The following TNFAIP6 variants were observed in gnomAD, a reference collection of about 807,000 sequenced individuals.
The protein encoded by TNFAIP6 is tumor necrosis factor-inducible gene 6 protein.
Under a neutral mutation model 33.7 loss-of-function variants are expected in TNFAIP6, and 36 were observed. The observed-to-expected ratio is 1.07, with a 90% CI of 0.82 to 1.41. TNFAIP6 has a LOEUF of 1.41. Among genes scored for constraint, TNFAIP6 ranks in the 40% most tolerant of loss-of-function variants. TNFAIP6 has a pLI of 0.00. For missense variants in TNFAIP6, 273 were observed against 331.9 expected (o/e 0.82, Z 1.38); for synonymous variants, 113 against 112.8 (o/e 1.00, Z -0.01).
At chr2:151,369,813 G>A (rs1428158298) in intron 3 of TNFAIP6, among the ~76,000 whole-genome samples, 1 of 151,994 alleles carries the variant, frequency 6.6e-6, no homozygotes, top group Non-Finnish European at 1.5e-5. Context: ...AAGAGTCCAT[G>A]TTCATTTTAG....
downstream of TNFAIP6, among the ~76,000 whole-genome samples, chr2:151,380,797 G>T (rs980992042): frequency 1.3e-5 from 2 of 152,108 alleles, no homozygotes; most frequent in Non-Finnish European, 2.9e-5. Context: ...AACTAATTTC[G>T]GGTTGGTGGT....
rs985455067 is a variant in TNFAIP6 at position 151,379,701 on chromosome 2, G to A, written c.*168G>A. On this transcript the variant is annotated 3_prime_UTR_variant, in exon 6 of 6. Coordinates refer to ENST00000243347, the MANE Select transcript of TNFAIP6 (RefSeq NM_007115.4). ...TATAGGAAACTTTAAACGAGAAAAT[G>A]AAACCTCTCATAATCCCACTGCATA... 23 of 463,048 alleles carry A rather than the reference G, an allele frequency of 5.0e-5. No individual in the cohort carries two copies. The highest frequency in any genetic ancestry group is 3.6e-6 in the Non-Finnish European group (1 of 279,540). The allele number at this position is 463,048 out of a possible 1,614,324, so 28.7% of individuals were successfully genotyped here. A position where few individuals can be genotyped will look rare whatever the true frequency, so the allele number is the denominator to read the frequency against.
intron 1 of TNFAIP6, among the ~76,000 whole-genome samples, chr2:151,362,922 C>T (rs1406016207): frequency 6.6e-6 from 1 of 152,176 alleles, no homozygotes; most frequent in Non-Finnish European, 1.5e-5. Context: ...TTTTCTTTCC[C>T]CTATTGCTTA....
intron 4 of TNFAIP6, chr2:151,372,020 C>A (rs1251530643): frequency 6.6e-6 from 1 of 152,294 alleles, no homozygotes. Flanking sequence ...CACCTGTGGT[C>A]CCAGCTACTT....
chr2:151,358,533 T>A (rs1158637566), intron 1 of TNFAIP6, among the ~76,000 whole-genome samples: 5 of 152,230 alleles, frequency 3.3e-5, no homozygotes, highest in Non-Finnish European at 5.9e-5. Flanking sequence ...TACAAATTGA[T>A]ATTGCTCTAT....
intron 5 of TNFAIP6, among the ~76,000 whole-genome samples, chr2:151,378,762 T>G (rs1187374261): frequency 2.6e-5 from 4 of 151,650 alleles, no homozygotes; most frequent in African/African-American, 9.7e-5. Flanking sequence ...GTGCTGGGAT[T>G]ACAGGCGTGA....
chr2:151,377,897 ACT>A (rs1342478188), intron 5 of TNFAIP6, among the ~76,000 whole-genome samples: 6 of 151,942 alleles, frequency 3.9e-5, no homozygotes, highest in Non-Finnish European at 8.8e-5. Context: ...CTCAAACCTG[ACT>A]CTGCCCATTT....
chr2:151,377,421 G>A (rs1416636108), intron 5 of TNFAIP6, among the ~76,000 whole-genome samples: 1 of 151,240 alleles, frequency 6.6e-6, no homozygotes, highest in Admixed American at 6.6e-5. Flanking sequence ...CACCCGCCTC[G>A]GCCTCCCAAA....
intron 3 of TNFAIP6, among the ~76,000 whole-genome samples, chr2:151,369,461 T>G (rs1684774340): frequency 6.6e-6 from 1 of 152,092 alleles, no homozygotes; most frequent in Non-Finnish European, 1.5e-5. Flanking sequence ...AGCCATTTTT[T>G]TCTTACTATA....
At chr2:151,358,796 G>C (rs879471363) in intron 1 of TNFAIP6, among the ~76,000 whole-genome samples, 4 of 152,030 alleles carry the variant, frequency 2.6e-5, no homozygotes, top group Admixed American at 1.3e-4. Context: ...TTTTCAGCTT[G>C]AGCCAGTGAA....
intron 3 of TNFAIP6, among the ~76,000 whole-genome samples, chr2:151,368,684 C>G (rs1684758369): frequency 6.6e-6 from 1 of 151,782 alleles, no homozygotes. Flanking sequence ...AGGCAGTATA[C>G]AGAATAATTA....
chr2:151,373,489 C>T, intron 4 of TNFAIP6, 60 bp from the exon 5 acceptor site: 1 of 998,244 alleles, frequency 1.0e-6, no homozygotes, highest in Non-Finnish European at 1.4e-6. Flanking sequence ...GTAACAGCCA[C>T]TTTACTAGCT....
chr2:151,375,042 T>A (rs1400062063), intron 5 of TNFAIP6, among the ~76,000 whole-genome samples: 1 of 150,600 alleles, frequency 6.6e-6, no homozygotes, highest in Non-Finnish European at 1.5e-5. Context: ...GGAGAATTGC[T>A]TGAACCCGGG....
intron 3 of TNFAIP6, among the ~76,000 whole-genome samples, chr2:151,366,904 A>C (rs958847857): frequency 1.3e-5 from 2 of 152,158 alleles, no homozygotes; most frequent in African/African-American, 4.8e-5. Context: ...ATTACTATAA[A>C]GAATTATTCT....
intron 3 of TNFAIP6, among the ~76,000 whole-genome samples, chr2:151,369,611 C>CA (rs919735446): frequency 3.2e-4 from 49 of 151,712 alleles, no homozygotes; most frequent in Admixed American, 1.1e-3. Context: ...CATTTCCACA[C>CA]AAAAAAAATA....
chr2:151,373,624 T>C, intron 5 of TNFAIP6, 35 bp downstream of exon 5: 3 of 1,376,120 alleles, frequency 2.2e-6, no homozygotes. Context: ...AACTATGATT[T>C]GTTTCTTTAC....
At position 151,369,961 on chromosome 2, in the gene TNFAIP6, AG is replaced by A; in HGVS notation, c.395-56del. The A allele has an allele frequency of 6.2e-6, 8 of 1,281,018 alleles. No individual in the cohort carries two copies. The Admixed American group carries it at 1.7e-4, about 27-fold the overall frequency. 79.4% of individuals were successfully genotyped at this position (1,281,018 alleles called of 1,614,324 possible). A position where few individuals can be genotyped will look rare whatever the true frequency, so the allele number is the denominator to read the frequency against. ...ATTGCTAAGAAATGTCATTTTTAAC[AG>A]GGATAATGTTTTTCCTAATGCTTTG... On this transcript the variant is annotated intron_variant, in intron 3 of 5. Coordinates refer to ENST00000243347, the MANE Select transcript of TNFAIP6 (RefSeq NM_007115.4).
intron 5 of TNFAIP6, among the ~76,000 whole-genome samples, chr2:151,378,385 T>C (rs1352339839): frequency 1.3e-5 from 2 of 152,186 alleles, no homozygotes; most frequent in African/African-American, 4.8e-5. Flanking sequence ...GTGAAACTTG[T>C]TGCTCTGACA....
At chr2:151,369,170 A>G (rs1372084617) in intron 3 of TNFAIP6, among the ~76,000 whole-genome samples, 2 of 152,216 alleles carry the variant, frequency 1.3e-5, no homozygotes, top group African/African-American at 2.4e-5. Flanking sequence ...AGCCTGGGCA[A>G]CAGAGTGAGA....
Sources: gnomAD v4.1 joint callset for allele counts (sites outside exome capture counted in the v4.1 genomes callset) on GRCh38, gnomAD v4.1.1 for gene constraint, MANE v1.5 for transcripts, NCBI Gene and HGNC (gene_info 2026-07-23, HGNC 2026-07-21) for gene names.